Variants in IQSEC1 observed in about 807,000 individuals in gnomAD.
IQSEC1 encodes IQ motif and SEC7 domain-containing protein 1.
In IQSEC1, 31 loss-of-function variants were observed where a neutral mutation model predicts 91.0. The ratio of observed to expected loss-of-function variants is 0.34; its 90% CI spans 0.26 to 0.46. IQSEC1 has a LOEUF of 0.46. Among genes scored for constraint, IQSEC1 ranks in the 20% least tolerant of loss-of-function variants. The probability of loss-of-function intolerance (pLI) is 1.00; values close to 1 mark genes in which losing one functional copy is unlikely to be tolerated. For synonymous variants in IQSEC1, 699 were observed against 662.6 expected, an observed-to-expected ratio of 1.05 and a Z score of -0.84; for missense variants, 1,388 against 1,575.6, an observed-to-expected ratio of 0.88 and a Z score of 2.02.
chr3:13,060,573 G>T (rs1314550194), intron 1 of IQSEC1, among the ~76,000 whole-genome samples: 1 of 152,230 alleles, frequency 6.6e-6, no homozygotes, highest in Non-Finnish European at 1.5e-5. Context: ...GTCTGGACCT[G>T]GGCTTCCTGC....
chr3:13,074,002 G>C (rs1156791597), upstream of IQSEC1, among the ~76,000 whole-genome samples: 2 of 152,246 alleles, frequency 1.3e-5, no homozygotes, highest in African/African-American at 4.8e-5. Context: ...TTCTGGTCTA[G>C]CTATGGTGCC....
At chr3:12,956,106 G>A (rs1044962492) in intron 1 of IQSEC1, among the ~76,000 whole-genome samples, 1 of 152,146 alleles carries the variant, frequency 6.6e-6, no homozygotes, top group African/African-American at 2.4e-5. Flanking sequence ...ACAAAGCGAG[G>A]TGGCAGCCGC....
At chr3:13,266,581 C>A (rs1163932655) in intron 1 of IQSEC1, among the ~76,000 whole-genome samples, 1 of 143,984 alleles carries the variant, frequency 6.9e-6, no homozygotes. Context: ...GAGGAAGCAG[C>A]TTTTTTTTTT....
intron 1 of IQSEC1, among the ~76,000 whole-genome samples, chr3:12,977,905 C>T (rs1278459457): frequency 6.6e-6 from 1 of 152,190 alleles, no homozygotes; most frequent in Non-Finnish European, 1.5e-5. Context: ...ACATGTGTGA[C>T]GTGTGATTCA....
chr3:13,118,134 G>A (rs1036357742), intron 2 of IQSEC1, among the ~76,000 whole-genome samples: 2 of 152,114 alleles, frequency 1.3e-5, no homozygotes, highest in East Asian at 1.9e-4. Flanking sequence ...AGAAATGACC[G>A]ATGAGATGAT....
intron 1 of IQSEC1, among the ~76,000 whole-genome samples, chr3:12,984,394 C>T (rs1701621178): frequency 6.6e-6 from 1 of 152,308 alleles, no homozygotes; most frequent in African/African-American, 2.4e-5. Context: ...CCCCACAGGC[C>T]CAGGGCTGAG....
chr3:12,948,774 A>G (rs1301941705), intron 1 of IQSEC1, among the ~76,000 whole-genome samples: 1 of 152,172 alleles, frequency 6.6e-6, no homozygotes, highest in Non-Finnish European at 1.5e-5. Context: ...TGTATATGGA[A>G]CACATTCAGT....
At chr3:12,937,870 C>T (rs1698342164) in intron 2 of IQSEC1, among the ~76,000 whole-genome samples, 1 of 152,202 alleles carries the variant, frequency 6.6e-6, no homozygotes, top group South Asian at 2.1e-4. Flanking sequence ...CTGGCTTTCC[C>T]TCATGAGCAC....
rs1337880565 is a variant in IQSEC1, at chr3:12,940,545, G to A, written c.318+1026C>T. Among the ~76,000 whole-genome samples, 5 of 152,022 alleles carry A rather than the reference G, an allele frequency of 3.3e-5. No homozygotes were observed. Among genetic ancestry groups the A allele is most frequent in the African/African-American group, 7.3e-5 (3 of 41,366 alleles). On this transcript the variant is annotated intron_variant, in intron 2 of 13. Coordinates refer to ENST00000613206, the MANE Select transcript of IQSEC1 (RefSeq NM_001134382.3). The surrounding 1 kb of genome is among the most constrained non-coding windows in gnomAD (Gnocchi z 4.4). The stretch of plus-strand genomic sequence containing the variant: ...TCTGCAGCATGGAGTCTGGGAAGAC[G>A]GGAAAGGGCCCTGGGGCCAGCAGGG...
intron 1 of IQSEC1, among the ~76,000 whole-genome samples, chr3:13,205,520 C>T (rs1198712706): frequency 2.6e-5 from 4 of 151,932 alleles, no homozygotes; most frequent in Non-Finnish European, 5.9e-5. Context: ...TCCCTCCCTC[C>T]CTCTATCCAT....
At chr3:13,243,588 T>C (rs1406376114) in intron 1 of IQSEC1, among the ~76,000 whole-genome samples, 1 of 152,210 alleles carries the variant, frequency 6.6e-6, no homozygotes, top group East Asian at 1.9e-4. Flanking sequence ...CAGTAGAAGC[T>C]GAGGTCAAGC....
At chr3:13,190,344 G>A (rs1694000861) in intron 1 of IQSEC1, among the ~76,000 whole-genome samples, 1 of 152,148 alleles carries the variant, frequency 6.6e-6, no homozygotes, top group Admixed American at 6.5e-5. Flanking sequence ...GGCCAAGGTG[G>A]GAGGATCTCC....
chr3:13,233,298 A>G (rs1170382913), intron 1 of IQSEC1, among the ~76,000 whole-genome samples: 2 of 151,918 alleles, frequency 1.3e-5, no homozygotes, highest in African/African-American at 4.8e-5. Flanking sequence ...TGTTCTGGGA[A>G]CACACTTTGA....
intron 1 of IQSEC1, among the ~76,000 whole-genome samples, chr3:13,252,932 C>A (rs1695222505): frequency 6.6e-6 from 1 of 152,144 alleles, no homozygotes; most frequent in Non-Finnish European, 1.5e-5. Flanking sequence ...CGGAGTTTCA[C>A]CTTGTTAGCC....
chr3:13,114,928 G>C (rs1706310838), intron 2 of IQSEC1, among the ~76,000 whole-genome samples: 1 of 152,190 alleles, frequency 6.6e-6, no homozygotes, highest in African/African-American at 2.4e-5. Context: ...AGCCGGTAGG[G>C]CCCATGCACG....
chr3:13,126,885 C>A lies in IQSEC1; in HGVS notation c.302+37219G>T, dbSNP rs369575245. Among the ~76,000 whole-genome samples, 23 of 152,196 alleles carry A rather than the reference C, an allele frequency of 1.5e-4. 1 individual carries two copies. In the East Asian group the frequency reaches 1.5e-3, roughly 10 times the overall value. On this transcript the variant is annotated intron_variant, in intron 2 of 15. Transcript: ENST00000648114. Reference sequence around the variant, plus strand: ...CATGCTCTTGGTATTAAGTTTAAGACCTTTTTGCCTAGCCCTAGGTCCTAA... The same window carrying A: ...CATGCTCTTGGTATTAAGTTTAAGAACTTTTTGCCTAGCCCTAGGTCCTAA...
rs574419542 is a variant in IQSEC1, at chr3:12,899,292, G to A, written c.*1691C>T. ...GCTCACCACGCTGTCCACTGGGAAC[G>A]CGGCCCCGCGGCCCGCAGAGTCAGG... is the stretch of plus-strand genomic sequence containing the variant. On this transcript the variant is annotated 3_prime_UTR_variant, in exon 14 of 14. Coordinates refer to ENST00000613206, the MANE Select transcript of IQSEC1 (RefSeq NM_001134382.3). The A allele has an allele frequency of 4.0e-5, 54 of 1,360,352 alleles. No homozygotes were observed. Among genetic ancestry groups the A allele is most frequent in the African/African-American group, 2.5e-4 (17 of 69,306 alleles). The allele number at this position is 1,360,352 out of a possible 1,614,324, so 84.3% of individuals were successfully genotyped here. A position where few individuals can be genotyped will look rare whatever the true frequency, so the allele number is the denominator to read the frequency against.
intron 2 of IQSEC1, among the ~76,000 whole-genome samples, chr3:13,155,201 A>T (rs1257349182): frequency 6.6e-6 from 1 of 152,194 alleles, no homozygotes; most frequent in Non-Finnish European, 1.5e-5. Flanking sequence ...AATCCAAACA[A>T]AAGTTGGTTC....
rs576898705 is a variant in IQSEC1, at chr3:13,021,834, G to A, written c.23+51158C>T. 3.7e-4 allele frequency among the ~76,000 whole-genome samples: 57 copies of A among 152,136 alleles called. No individual in the cohort carries two copies. The South Asian group carries it at 0.012, about 31-fold the overall frequency. ...TGAACGTGTGCTCTGGATCCCAGCC[G>A]AACGTGTGCTCTGGATCCCAGCCAA... On this transcript the variant is annotated intron_variant, in intron 1 of 13. Coordinates refer to ENST00000613206, the MANE Select transcript of IQSEC1 (RefSeq NM_001134382.3).
Sources: gnomAD v4.1 joint callset for allele counts (sites outside exome capture counted in the v4.1 genomes callset) on GRCh38, gnomAD v4.1.1 for gene constraint, Gnocchi (gnomAD v3.1) non-coding constraint, MANE v1.5 for transcripts, NCBI Gene and HGNC (gene_info 2026-07-23, HGNC 2026-07-21) for gene names.